PLCE1: variants seen among roughly 807,000 people sequenced by gnomAD.
PLCE1 encodes 1-phosphatidylinositol 4,5-bisphosphate phosphodiesterase epsilon-1.
A neutral mutation model predicts 242.8 loss-of-function variants in PLCE1; 119 were observed. The ratio of observed to expected loss-of-function variants is 0.49; its 90% CI spans 0.42 to 0.57. The LOEUF (loss-of-function observed/expected upper bound fraction) is 0.57, where lower values mean the gene tolerates loss of function less well. Among genes scored for constraint, PLCE1 ranks in the 20% least tolerant of loss-of-function variants. The probability of loss-of-function intolerance (pLI) is 0.00; values close to 1 mark genes in which losing one functional copy is unlikely to be tolerated. For missense variants in PLCE1, 2,441 were observed against 2,788.8 expected (o/e 0.88, Z 2.81); for synonymous variants, 945 against 1,017.4 (o/e 0.93, Z 1.35).
intron 2 of PLCE1, 50 bp downstream of exon 2, chr10:94,032,302 T>G (rs879198403): frequency 5.2e-5 from 82 of 1,570,738 alleles, no homozygotes; most frequent in Non-Finnish European, 7.2e-5. Context: ...GCTTTTTTTT[T>G]CAAAAAAAAG....
At chr10:94,092,561 A>C (rs1458224281) in intron 2 of PLCE1, among the ~76,000 whole-genome samples, 1 of 152,190 alleles carries the variant, frequency 6.6e-6, no homozygotes, top group Non-Finnish European at 1.5e-5. Flanking sequence ...CCCAGTAAAA[A>C]AGTTCACATA....
At chr10:94,063,006 G>A (rs545599021) in intron 2 of PLCE1, among the ~76,000 whole-genome samples, 34 of 151,296 alleles carry the variant, frequency 2.2e-4, no homozygotes, top group Admixed American at 1.4e-3. Context: ...TCAACTCTTC[G>A]CTGGTCTCCA....
chr10:94,223,863 C>G (rs1043438986), intron 4 of PLCE1, among the ~76,000 whole-genome samples: 1 of 152,164 alleles, frequency 6.6e-6, no homozygotes, highest in Non-Finnish European at 1.5e-5. Flanking sequence ...TGTGATTGCA[C>G]AGAAATTCTT....
At chr10:94,068,420 A>C (rs983971431) in intron 2 of PLCE1, among the ~76,000 whole-genome samples, 1 of 152,252 alleles carries the variant, frequency 6.6e-6, no homozygotes, top group Non-Finnish European at 1.5e-5. Flanking sequence ...AATACAAATA[A>C]AACAATGCAA....
intron 3 of PLCE1, among the ~76,000 whole-genome samples, chr10:94,152,521 G>T (rs751002083): frequency 2.6e-5 from 4 of 152,154 alleles, no homozygotes; most frequent in Non-Finnish European, 4.4e-5. Flanking sequence ...ATGGTTAAAA[G>T]CCTGGGCTTT....
chr10:94,231,945 G>A (rs1243183045), intron 5 of PLCE1, among the ~76,000 whole-genome samples: 2 of 152,192 alleles, frequency 1.3e-5, no homozygotes, highest in Non-Finnish European at 2.9e-5. Context: ...ACTGGTCTGC[G>A]GCCCAGGGGT....
chr10:94,146,432 C>T (rs934055295), intron 3 of PLCE1, among the ~76,000 whole-genome samples: 3 of 152,182 alleles, frequency 2.0e-5, no homozygotes, highest in African/African-American at 4.8e-5. Flanking sequence ...CCAAGGGGTC[C>T]GTGCTGCTAA....
intron 3 of PLCE1, among the ~76,000 whole-genome samples, chr10:94,160,958 T>C (rs2047592913): frequency 6.6e-6 from 1 of 152,230 alleles, no homozygotes; most frequent in Non-Finnish European, 1.5e-5. Context: ...TCTGTTCCAC[T>C]GGTCTATATC....
intron 2 of PLCE1, among the ~76,000 whole-genome samples, chr10:94,097,373 G>A (rs901447874): frequency 2.6e-5 from 4 of 151,994 alleles, no homozygotes; most frequent in African/African-American, 7.3e-5. Context: ...CATCAAGGGG[G>A]AAAAAATGAT....
intron 1 of PLCE1, among the ~76,000 whole-genome samples, chr10:94,014,049 C>T (rs2061226244): frequency 6.6e-6 from 1 of 152,134 alleles, no homozygotes; most frequent in African/African-American, 2.4e-5. Flanking sequence ...CTCGTACAAG[C>T]ACAGCCCTGT....
intron 3 of PLCE1, among the ~76,000 whole-genome samples, chr10:94,163,810 A>G (rs933272107): frequency 1.3e-5 from 2 of 152,064 alleles, no homozygotes; most frequent in African/African-American, 4.8e-5. Flanking sequence ...GTTCCTTTAC[A>G]TGTTTAGTGC....
chr10:94,281,911 C>T (rs1393238774), intron 20 of PLCE1, among the ~76,000 whole-genome samples: 2 of 151,918 alleles, frequency 1.3e-5, no homozygotes, highest in African/African-American at 4.8e-5. Context: ...TGACCATCTC[C>T]ACTTTCTCCA....
chr10:94,110,955 C>T (rs184265957), intron 2 of PLCE1, among the ~76,000 whole-genome samples: 2 of 152,260 alleles, frequency 1.3e-5, no homozygotes, highest in Admixed American at 1.3e-4. Flanking sequence ...TGTAGCATGC[C>T]CTCAGTTGTG....
chr10:94,321,203 T>G (rs1485326916), intron 29 of PLCE1, among the ~76,000 whole-genome samples: 1 of 152,276 alleles, frequency 6.6e-6, no homozygotes, highest in Non-Finnish European at 1.5e-5. Flanking sequence ...TAGCATTTCT[T>G]AAATGCTCAA....
intron 1 of PLCE1, among the ~76,000 whole-genome samples, chr10:94,004,082 G>T (rs896665175): frequency 1.3e-5 from 2 of 152,006 alleles, no homozygotes; most frequent in African/African-American, 4.8e-5. Flanking sequence ...GGAGGCGGAG[G>T]TTGCAGTGAG....
At chr10:94,290,712 TACAC>T (rs1564867116) in intron 22 of PLCE1, among the ~76,000 whole-genome samples, 3 of 151,708 alleles carry the variant, frequency 2.0e-5, no homozygotes, top group Admixed American at 2.0e-4. Flanking sequence ...TATATATATA[TACAC>T]ACACACATAT....
At chr10:94,264,900 G>A (rs145212661) in intron 14 of PLCE1, among the ~76,000 whole-genome samples, 19 of 152,292 alleles carry the variant, frequency 1.2e-4, no homozygotes, top group South Asian at 8.3e-4. Context: ...AGCTGAGGCA[G>A]AAGGATTGCC....
chr10:94,029,170 C>G (rs930204801), intron 1 of PLCE1, among the ~76,000 whole-genome samples: 1 of 152,086 alleles, frequency 6.6e-6, no homozygotes, highest in Non-Finnish European at 1.5e-5. Flanking sequence ...AGGACCTAAG[C>G]ATCACCAAAA....
At chr10:94,317,800 T>C (rs2053630042) in intron 29 of PLCE1, among the ~76,000 whole-genome samples, 1 of 152,192 alleles carries the variant, frequency 6.6e-6, no homozygotes, top group African/African-American at 2.4e-5. Flanking sequence ...AGGTCATTTC[T>C]CTAGCATAGA....
Sources: allele counts gnomAD v4.1 joint callset (sites outside exome capture counted in the v4.1 genomes callset), GRCh38; gene constraint gnomAD v4.1.1; transcripts MANE v1.5; gene names NCBI Gene and HGNC (gene_info 2026-07-23, HGNC 2026-07-21).